Variants in CCSER1 observed in about 807,000 individuals in gnomAD.
CCSER1 encodes serine-rich coiled-coil domain-containing protein 1.
A neutral mutation model predicts 82.0 loss-of-function variants in CCSER1; 41 were observed. The ratio of observed to expected loss-of-function variants is 0.50; its 90% CI spans 0.39 to 0.65. The LOEUF (loss-of-function observed/expected upper bound fraction) is 0.65, where lower values mean the gene tolerates loss of function less well. Ranked by LOEUF, CCSER1 falls within the 30% of genes least tolerant of loss-of-function variation. The pLI is 0.00. For synonymous variants in CCSER1, 414 were observed against 383.9 expected (o/e 1.08, Z -0.92); for missense variants, 1,119 against 1,064.2 (o/e 1.05, Z -0.72).
At chr4:91,548,990 T>C (rs947503381) in intron 10 of CCSER1, among the ~76,000 whole-genome samples, 1 of 152,188 alleles carries the variant, frequency 6.6e-6, no homozygotes, top group Admixed American at 6.5e-5. Flanking sequence ...ATTCCCATTA[T>C]GCATGTTATA....
chr4:91,401,212 T>G (rs1280466095), intron 10 of CCSER1, among the ~76,000 whole-genome samples: 2 of 150,582 alleles, frequency 1.3e-5, no homozygotes, highest in Non-Finnish European at 3.0e-5. Context: ...ATAAAATATC[T>G]AATGCAGTTT....
chr4:91,143,346 T>C (rs567833162), intron 10 of CCSER1, among the ~76,000 whole-genome samples: 1 of 152,270 alleles, frequency 6.6e-6, no homozygotes, highest in Admixed American at 6.5e-5. Context: ...CCTGAAACTT[T>C]ACTGAAGTTG....
At chr4:90,417,714 G>A (rs561767735) in intron 4 of CCSER1, among the ~76,000 whole-genome samples, 2 of 152,064 alleles carry the variant, frequency 1.3e-5, no homozygotes, top group Admixed American at 6.6e-5. Context: ...TGATGAACAA[G>A]CAATATAAAA....
At chr4:90,405,767 C>T (rs1753617604) in intron 4 of CCSER1, among the ~76,000 whole-genome samples, 1 of 152,082 alleles carries the variant, frequency 6.6e-6, no homozygotes, top group Non-Finnish European at 1.5e-5. Flanking sequence ...AACTAAGCTT[C>T]ATAAATGAAG....
intron 10 of CCSER1, among the ~76,000 whole-genome samples, chr4:91,574,555 C>T (rs1230799731): frequency 1.3e-5 from 2 of 151,934 alleles, no homozygotes; most frequent in Non-Finnish European, 2.9e-5. Flanking sequence ...ATGGAGTATA[C>T]ACAGATGTAA....
chr4:91,297,243 AAGAC>A (rs1397805909), intron 10 of CCSER1, among the ~76,000 whole-genome samples: 2 of 151,900 alleles, frequency 1.3e-5, no homozygotes, highest in African/African-American at 4.8e-5. Flanking sequence ...GTTTGTAAAA[AAGAC>A]AGATACATTT....
In CCSER1 at chr4:90,796,180, G is replaced by A. The variant is rs556764685; in HGVS notation, c.2011-19582G>A. Among the ~76,000 whole-genome samples the A allele has an allele frequency of 1.8e-4, 27 of 152,064 alleles. No homozygotes were observed. The South Asian group carries it at 3.3e-3, about 19-fold the overall frequency. On this transcript the variant is annotated intron_variant, in intron 7 of 10. Coordinates refer to ENST00000509176, the MANE Select transcript of CCSER1 (RefSeq NM_001145065.2). ...GATTCAATTTCAGAGCTTATTATTC[G>A]TCTGTTCAGGGATACCATTTCTTCC...
At chr4:91,491,425 A>AAAT (rs1481167790) in intron 10 of CCSER1, among the ~76,000 whole-genome samples, 1 of 152,128 alleles carries the variant, frequency 6.6e-6, no homozygotes, top group Non-Finnish European at 1.5e-5. Context: ...ATGGGAAATT[A>AAAT]GATGTCAGCT....
intron 9 of CCSER1, among the ~76,000 whole-genome samples, chr4:90,932,990 A>AGAGAGAGAGAGAGAGAG (rs1348128730): frequency 2.1e-5 from 1 of 48,490 alleles, no homozygotes; most frequent in Non-Finnish European, 3.9e-5. Flanking sequence ...AAGAGAAAGA[A>AGAGAGAGAGAGAGAGAG]AGAAAGAAAG....
intron 9 of CCSER1, among the ~76,000 whole-genome samples, chr4:90,951,541 A>G (rs561667955): frequency 6.6e-6 from 1 of 152,192 alleles, no homozygotes; most frequent in East Asian, 1.9e-4. Flanking sequence ...CATAAATTCT[A>G]CTATTTGCAG....
At chr4:90,457,563 C>G (rs1246111824) in intron 4 of CCSER1, among the ~76,000 whole-genome samples, 1 of 152,168 alleles carries the variant, frequency 6.6e-6, no homozygotes, top group African/African-American at 2.4e-5. Context: ...ATCCAGATGT[C>G]TGTTCAGCTC....
At chr4:90,574,508 T>C (rs1376862884) in intron 5 of CCSER1, among the ~76,000 whole-genome samples, 1 of 151,370 alleles carries the variant, frequency 6.6e-6, no homozygotes, top group African/African-American at 2.4e-5. Flanking sequence ...GACCTCATGA[T>C]CCACCCGCCT....
chr4:91,591,149 G>A (rs1354015692), intron 10 of CCSER1, among the ~76,000 whole-genome samples: 1 of 151,976 alleles, frequency 6.6e-6, no homozygotes, highest in African/African-American at 2.4e-5. Flanking sequence ...CTAACATCCT[G>A]CAATGTACAT....
At chr4:90,845,342 C>T (rs1346354408) in intron 8 of CCSER1, among the ~76,000 whole-genome samples, 1 of 126,364 alleles carries the variant, frequency 7.9e-6, no homozygotes, top group African/African-American at 3.1e-5. Context: ...AGCCTGGTGA[C>T]AGAGTGAGAC....
chr4:91,429,495 T>C (rs1017599123), intron 10 of CCSER1, among the ~76,000 whole-genome samples: 2 of 151,950 alleles, frequency 1.3e-5, no homozygotes, highest in Non-Finnish European at 2.9e-5. Context: ...CATTTTATTA[T>C]TTATTCACCT....
chr4:90,169,271 T>C (rs1307103120), intron 1 of CCSER1, among the ~76,000 whole-genome samples: 1 of 152,132 alleles, frequency 6.6e-6, no homozygotes, highest in African/African-American at 2.4e-5. Flanking sequence ...GATTTGGCTC[T>C]CTGTTTGTCT....
At chr4:91,530,773 C>T (rs144429871) in intron 10 of CCSER1, among the ~76,000 whole-genome samples, 5,234 of 150,786 alleles carry the variant, frequency 0.035, 312 homozygotes, top group African/African-American at 0.12. Flanking sequence ...CCACAACCTC[C>T]GCCTCCCAGG....
chr4:91,378,644 T>C (rs1289614134), intron 10 of CCSER1, among the ~76,000 whole-genome samples: 1 of 152,186 alleles, frequency 6.6e-6, no homozygotes, highest in Non-Finnish European at 1.5e-5. Context: ...CTGTAGGAGA[T>C]TTTGGGCTGA....
In CCSER1 at chr4:91,081,589, AG is replaced by A. The variant is rs561942132; in HGVS notation, c.2173-4358del. Among the ~76,000 whole-genome samples, 1,348 of 152,300 alleles carry A rather than the reference AG, an allele frequency of 8.9e-3. 21 individuals are homozygous for A. Among genetic ancestry groups the A allele is most frequent in the African/African-American group, 0.03 (1,261 of 41,568 alleles). ...GCAATCAGGCAAGAGAAAGAAATAA[AG>A]GGTATTCAATTAGGAAAAGAGGAAG... On this transcript the variant is annotated intron_variant, in intron 9 of 10. Transcript: ENST00000509176.
Sources: gnomAD v4.1 joint callset for allele counts (sites outside exome capture counted in the v4.1 genomes callset) on GRCh38, gnomAD v4.1.1 for gene constraint, MANE v1.5 for transcripts, NCBI Gene and HGNC (gene_info 2026-07-23, HGNC 2026-07-21) for gene names.